Variants in FGF1 observed in about 807,000 individuals in gnomAD.
The protein encoded by FGF1 is beta-endothelial cell growth factor.
FGF1 carries 9 observed loss-of-function variants against 13.4 expected under a neutral mutation model. The observed-to-expected ratio is 0.67, with a 90% CI of 0.40 to 1.17. The LOEUF is 1.17. FGF1 is among the 50% of genes most tolerant of loss of function. FGF1 has a pLI of 0.01. For synonymous variants in FGF1, 93 were observed against 79.0 expected (o/e 1.18, Z -0.94); for missense variants, 156 against 192.7 (o/e 0.81, Z 1.13).
At chr5:142,695,385 C>A (rs1752935725) in intron 2 of FGF1, among the ~76,000 whole-genome samples, 1 of 152,026 alleles carries the variant, frequency 6.6e-6, no homozygotes, top group East Asian at 1.9e-4. Context: ...AGTTCGAGAC[C>A]AGCCTGGCCA....
chr5:142,594,193 C>T lies in FGF1; in HGVS notation c.*1097G>A, dbSNP rs929862036. On this transcript the variant is annotated 3_prime_UTR_variant, in exon 4 of 4. Transcript: ENST00000337706. ...TTTGAATAACTCTTTAGGACCAGGACCCTGCTCCTTAATGTATGGCGGGTA... is the reference window on the plus strand; with the variant it reads ...TTTGAATAACTCTTTAGGACCAGGATCCTGCTCCTTAATGTATGGCGGGTA... The T allele has an allele frequency of 1.3e-5, 2 of 152,130 alleles. No homozygotes were observed. Among genetic ancestry groups the T allele is most frequent in the Non-Finnish European group, 2.9e-5 (2 of 68,034 alleles). The allele number at this position is 152,130 out of a possible 1,614,324, so 9.4% of individuals were successfully genotyped here. A position where few individuals can be genotyped will look rare whatever the true frequency, so the allele number is the denominator to read the frequency against.
At chr5:142,628,159 G>C (rs1205981920) in intron 1 of FGF1, among the ~76,000 whole-genome samples, 2 of 152,196 alleles carry the variant, frequency 1.3e-5, no homozygotes, top group Non-Finnish European at 1.5e-5. Context: ...GCTATACTAA[G>C]AGATAAGTCT....
At chr5:142,613,822 G>T in intron 2 of FGF1, 137 bp downstream of exon 2, 1 of 884,004 alleles carries the variant, frequency 1.1e-6, no homozygotes, top group Non-Finnish European at 1.7e-6. Context: ...GCATTTATGT[G>T]ACTCCACCTC....
intron 1 of FGF1, among the ~76,000 whole-genome samples, chr5:142,633,309 G>T (rs1018960508): frequency 1.3e-5 from 2 of 152,168 alleles, no homozygotes; most frequent in African/African-American, 4.8e-5. Flanking sequence ...GAAAGCACAT[G>T]CATTTTATTA....
At chr5:142,618,767 A>G (rs1379534509) in intron 1 of FGF1, among the ~76,000 whole-genome samples, 2 of 152,048 alleles carry the variant, frequency 1.3e-5, no homozygotes, top group Non-Finnish European at 2.9e-5. Context: ...CAGTTAATAT[A>G]GTGACAGTTA....
chr5:142,621,408 A>T (rs564108153), intron 1 of FGF1: 1 of 135,806 alleles, frequency 7.4e-6, no homozygotes, highest in South Asian at 2.4e-4. Context: ...CCTTTCCTCC[A>T]CCCTTTCACC....
intron 1 of FGF1, among the ~76,000 whole-genome samples, chr5:142,630,113 C>T (rs1263527477): frequency 3.3e-5 from 5 of 151,926 alleles, no homozygotes; most frequent in African/African-American, 9.7e-5. Context: ...AGGATGGTCT[C>T]GATCTCCTGA....
At chr5:142,628,030 G>T (rs948009988) in intron 1 of FGF1, among the ~76,000 whole-genome samples, 2 of 152,160 alleles carry the variant, frequency 1.3e-5, no homozygotes, top group African/African-American at 2.4e-5. Flanking sequence ...AGGCAAAGGA[G>T]TCCTCCTTTA....
At chr5:142,604,597 A>G (rs1757254080) in intron 2 of FGF1, among the ~76,000 whole-genome samples, 1 of 152,162 alleles carries the variant, frequency 6.6e-6, no homozygotes, top group South Asian at 2.1e-4. Context: ...GTAAGGGCTA[A>G]TGCATGGAAA....
chr5:142,611,603 C>G (rs531436502), intron 2 of FGF1, among the ~76,000 whole-genome samples: 1 of 152,164 alleles, frequency 6.6e-6, no homozygotes, highest in South Asian at 2.1e-4. Flanking sequence ...GGCTTGAACT[C>G]GAGCCTGCTG....
intron 3 of FGF1, among the ~76,000 whole-genome samples, chr5:142,598,950 C>A (rs1755872754): frequency 6.6e-6 from 1 of 152,150 alleles, no homozygotes; most frequent in South Asian, 2.1e-4. Flanking sequence ...GTGGCATAAC[C>A]TAAGACACAG....
At chr5:142,681,058 A>G (rs1011695665) in intron 1 of FGF1, among the ~76,000 whole-genome samples, 2 of 152,242 alleles carry the variant, frequency 1.3e-5, no homozygotes, top group Non-Finnish European at 2.9e-5. Flanking sequence ...AGTCATGTCC[A>G]TGAGTAATAC....
intron 1 of FGF1, among the ~76,000 whole-genome samples, chr5:142,637,394 A>G (rs1764448683): frequency 6.7e-6 from 1 of 149,616 alleles, no homozygotes; most frequent in Admixed American, 6.7e-5. Flanking sequence ...ATCTCAGCTC[A>G]CTGCAAGCTC....
intron 2 of FGF1, among the ~76,000 whole-genome samples, chr5:142,695,214 G>A (rs1752908791): frequency 6.6e-6 from 1 of 152,166 alleles, no homozygotes; most frequent in Admixed American, 6.5e-5. Context: ...CTGAGATGAT[G>A]CCTGTAGGGA....
At chr5:142,668,033 C>A (rs1453405013) in intron 1 of FGF1, among the ~76,000 whole-genome samples, 1 of 152,178 alleles carries the variant, frequency 6.6e-6, no homozygotes, top group Non-Finnish European at 1.5e-5. Flanking sequence ...GCAGGCAGGC[C>A]CCTGGGGGAG....
upstream of FGF1, among the ~76,000 whole-genome samples, chr5:142,689,311 C>G (rs1377311155): frequency 6.6e-6 from 1 of 152,200 alleles, no homozygotes; most frequent in East Asian, 1.9e-4. Flanking sequence ...CAACACATTT[C>G]CCTCTGTTTA....
rs1192531296 is a variant in FGF1 at position 142,600,724 on chromosome 5, G to C, written c.251C>G (p.Thr84Ser). 6.2e-7 allele frequency: 1 copy of C among 1,613,116 alleles called. No homozygotes were observed. The highest frequency in any genetic ancestry group is 8.5e-7 in the Non-Finnish European group (1 of 1,179,088). The change falls in exon 3 of 4, where the codon ACC becomes AGC. Residue 84 changes from threonine (T) to serine (S), a missense_variant. Thr to Ser is a moderately conservative substitution (Grantham distance 58). Coordinates refer to ENST00000337706, the MANE Select transcript of FGF1 (RefSeq NM_000800.5). Reference protein sequence around the residue: ...TETGQYLAMDTDGLLYGSQTP... With the variant: ...TETGQYLAMDSDGLLYGSQTP... ...TACTGAGCCGTATAAAAGCCCGTCGGTGTCCATGGCCAAGTACTGGCCAGT... is the reference window on the plus strand; with the variant it reads ...TACTGAGCCGTATAAAAGCCCGTCGCTGTCCATGGCCAAGTACTGGCCAGT...
rs1773827894 is a variant in FGF1 at position 142,682,114 on chromosome 5, T to A, written c.-35+3843A>T. Among the ~76,000 whole-genome samples the A allele has an allele frequency of 2.0e-5, 3 of 151,668 alleles. No homozygotes were observed. The South Asian group carries it at 6.3e-4, about 32-fold the overall frequency. On this transcript the variant is annotated intron_variant, in intron 1 of 3. Coordinates refer to ENST00000337706, the MANE Select transcript of FGF1 (RefSeq NM_000800.5). ...TTTTTTTTTTTTTTGAGACAGAGTT[T>A]CACTTTTGTCACCCAGGCTGGAGCG... is the stretch of plus-strand genomic sequence containing the variant.
At chr5:142,697,025 A>G (rs932553336) in intron 2 of FGF1, among the ~76,000 whole-genome samples, 6 of 152,144 alleles carry the variant, frequency 3.9e-5, no homozygotes, top group Non-Finnish European at 8.8e-5. Context: ...TTTGTCTCTG[A>G]AGTCTGTGTA....
Sources: gnomAD v4.1 joint callset for allele counts (sites outside exome capture counted in the v4.1 genomes callset) on GRCh38, gnomAD v4.1.1 for gene constraint, MANE v1.5 for transcripts, NCBI Gene and HGNC (gene_info 2026-07-23, HGNC 2026-07-21) for gene names.